Variants in BBS9 observed in about 807,000 individuals in gnomAD.
BBS9 encodes the protein Bardet-Biedl syndrome 9.
Under a neutral mutation model 117.7 loss-of-function variants are expected in BBS9, and 89 were observed. That is an observed-to-expected ratio of 0.76 (90% confidence interval 0.64 to 0.90). The LOEUF is 0.90. BBS9 is among the 40% of genes least tolerant of loss of function. The probability of loss-of-function intolerance (pLI) is 0.00; values close to 1 mark genes in which losing one functional copy is unlikely to be tolerated. For missense variants in BBS9, 982 were observed against 1,042.2 expected, an observed-to-expected ratio of 0.94 and a Z score of 0.80; for synonymous variants, 379 against 370.9, an observed-to-expected ratio of 1.02 and a Z score of -0.25.
At chr7:33,507,254 G>A (rs950644653) in intron 20 of BBS9, among the ~76,000 whole-genome samples, 8 of 151,838 alleles carry the variant, frequency 5.3e-5, no homozygotes, top group South Asian at 2.1e-4. Context: ...TTGTTTTTTC[G>A]TTTTGAGATG....
chr7:33,179,067 T>C (rs1282389480), intron 5 of BBS9, among the ~76,000 whole-genome samples: 1 of 152,186 alleles, frequency 6.6e-6, no homozygotes. Context: ...TGATTTTTAC[T>C]GTTCTTTGAA....
At chr7:33,233,219 T>A (rs1259524565) in intron 5 of BBS9, among the ~76,000 whole-genome samples, 1 of 152,132 alleles carries the variant, frequency 6.6e-6, no homozygotes, top group Non-Finnish European at 1.5e-5. Flanking sequence ...TTTATTTTTG[T>A]TTTTATTCTC....
At chr7:33,246,739 T>C (rs1015699762) in intron 5 of BBS9, among the ~76,000 whole-genome samples, 1 of 151,918 alleles carries the variant, frequency 6.6e-6, no homozygotes, top group Non-Finnish European at 1.5e-5. Flanking sequence ...TCTTAGGGAG[T>C]CATCCTGTAA....
chr7:33,385,935 A>G (rs1361983831), intron 18 of BBS9, among the ~76,000 whole-genome samples: 1 of 152,064 alleles, frequency 6.6e-6, no homozygotes. Context: ...TTCTAAAGAG[A>G]ACACTTGGAC....
At chr7:33,526,095 G>A (rs1163249243) in intron 20 of BBS9, among the ~76,000 whole-genome samples, 1 of 151,350 alleles carries the variant, frequency 6.6e-6, no homozygotes, top group Non-Finnish European at 1.5e-5. Context: ...CTTCTGGCTT[G>A]TAGGGTTTCT....
chr7:33,607,728 A>T (rs985803556), downstream of BBS9, among the ~76,000 whole-genome samples: 26 of 151,946 alleles, frequency 1.7e-4, no homozygotes, highest in Non-Finnish European at 2.4e-4. Flanking sequence ...AGACTTTTTT[A>T]AAAAAAATTA....
At chr7:33,581,963 T>G (rs1860025134) in intron 21 of BBS9, among the ~76,000 whole-genome samples, 1 of 152,160 alleles carries the variant, frequency 6.6e-6, no homozygotes, top group Non-Finnish European at 1.5e-5. Context: ...CAGTTTTACT[T>G]CCAATTATTT....
At chr7:33,252,625 A>C (rs1212904463) in intron 5 of BBS9, among the ~76,000 whole-genome samples, 2 of 151,998 alleles carry the variant, frequency 1.3e-5, no homozygotes, top group African/African-American at 2.4e-5. Flanking sequence ...GAGACTGAAG[A>C]TTTGTGGTTC....
At chr7:33,574,922 C>A (rs893933114) in intron 21 of BBS9, among the ~76,000 whole-genome samples, 6 of 151,948 alleles carry the variant, frequency 3.9e-5, no homozygotes, top group African/African-American at 1.4e-4. Context: ...ACTTTAAATA[C>A]CTCAAGATTT....
intron 21 of BBS9, among the ~76,000 whole-genome samples, chr7:33,618,406 C>T (rs1276528563): frequency 6.6e-6 from 1 of 151,796 alleles, no homozygotes; most frequent in Middle Eastern, 3.2e-3. Flanking sequence ...ATAAAACTCA[C>T]TATATAGATG....
chr7:33,633,644 C>T (rs576554162), intron 21 of BBS9, among the ~76,000 whole-genome samples: 6 of 151,794 alleles, frequency 4.0e-5, no homozygotes, highest in South Asian at 2.1e-4. Context: ...TGGCTTCCCA[C>T]GATCTCTGGA....
At chr7:33,494,922 G>A (rs1481077956) in intron 19 of BBS9, among the ~76,000 whole-genome samples, 1 of 152,170 alleles carries the variant, frequency 6.6e-6, no homozygotes. Flanking sequence ...AAACCAGGCA[G>A]CTCTCCTCAT....
rs373177157 is a variant in BBS9 at position 33,505,526 on chromosome 7, C to T, written c.2179C>T (p.Leu727=). Residue 727 remains leucine (L), a synonymous_variant, in exon 20 of 23, where the codon CTG becomes TTG. Coordinates refer to ENST00000242067, the MANE Select transcript of BBS9 (RefSeq NM_198428.3). ...CAATCTGTTCCAGTCATTCACCAGGCTGAAGAGTGCCACCCATTTGGTGAT... is the reference window on the plus strand; with the variant it reads ...CAATCTGTTCCAGTCATTCACCAGGTTGAAGAGTGCCACCCATTTGGTGAT... ...QGNLFQSFTR[L]KSATHLVILL... 2.5e-6 allele frequency: 4 copies of T among 1,614,148 alleles called. No homozygotes were observed. The African/African-American group carries it at 5.3e-5, about 22-fold the overall frequency.
chr7:33,616,317 G>A (rs1324343969), intron 21 of BBS9, among the ~76,000 whole-genome samples: 1 of 150,788 alleles, frequency 6.6e-6, no homozygotes, highest in Non-Finnish European at 1.5e-5. Flanking sequence ...AGATGGGATG[G>A]AAGAATTAGG....
At chr7:33,355,825 A>G (rs1819519591) in intron 15 of BBS9, among the ~76,000 whole-genome samples, 1 of 151,896 alleles carries the variant, frequency 6.6e-6, no homozygotes, top group East Asian at 1.9e-4. Flanking sequence ...GTGGAGATGT[A>G]GGGTAATAAT....
intron 19 of BBS9, among the ~76,000 whole-genome samples, chr7:33,425,756 T>C (rs1212202004): frequency 6.6e-6 from 1 of 152,234 alleles, no homozygotes; most frequent in Non-Finnish European, 1.5e-5. Flanking sequence ...GATGCTATTG[T>C]CTTACTTTTG....
chr7:33,352,913 A>G, intron 15 of BBS9, 40 bp downstream of exon 15: 1 of 1,581,502 alleles, frequency 6.3e-7, no homozygotes, highest in Non-Finnish European at 8.7e-7. Flanking sequence ...GAATTTCAGA[A>G]CTGAAATTTG....
intron 7 of BBS9, among the ~76,000 whole-genome samples, chr7:33,266,300 C>G (rs1046704558): frequency 3.3e-5 from 5 of 152,142 alleles, no homozygotes; most frequent in African/African-American, 1.2e-4. Flanking sequence ...AATATCAAAT[C>G]TATTGCAGAA....
At position 33,150,567 on chromosome 7, in the gene BBS9, A is replaced by T. The variant is rs534417710; in HGVS notation, c.113-2134A>T. 2.0e-5 allele frequency among the ~76,000 whole-genome samples: 3 copies of T among 152,260 alleles called. No homozygotes were observed. The East Asian group carries it at 5.8e-4, about 29-fold the overall frequency. ...CAAAGTGGCCCTCAAATACTGAAGG[A>T]GCTGAGAACCAAAGATTGAGGCAGA... On this transcript the variant is annotated intron_variant, in intron 2 of 22. Transcript: ENST00000242067.
Sources: allele counts gnomAD v4.1 joint callset (sites outside exome capture counted in the v4.1 genomes callset), GRCh38; gene constraint gnomAD v4.1.1; transcripts MANE v1.5; gene names NCBI Gene and HGNC (gene_info 2026-07-23, HGNC 2026-07-21).